Variants in TPST1 observed in about 807,000 individuals in gnomAD.
TPST1 encodes tyrosylprotein sulfotransferase 1, also known as protein-tyrosine sulfotransferase 1.
Under a neutral mutation model 34.8 loss-of-function variants are expected in TPST1, and 20 were observed. The ratio of observed to expected loss-of-function variants is 0.57; its 90% CI spans 0.40 to 0.84. The LOEUF is 0.84. TPST1 is among the 40% of genes least tolerant of loss of function. The pLI is 0.00. For synonymous variants in TPST1, 152 were observed against 159.4 expected (o/e 0.95, Z 0.35); for missense variants, 353 against 455.5 (o/e 0.78, Z 2.05).
chr7:66,247,913 C>T (rs983659750), intron 2 of TPST1, among the ~76,000 whole-genome samples: 22 of 152,246 alleles, frequency 1.4e-4, no homozygotes, highest in African/African-American at 5.3e-4. Context: ...GGACCCTACC[C>T]TCTTGACCAT....
At chr7:66,204,309 G>A (rs61015518), upstream of TPST1, among the ~76,000 whole-genome samples, 2,318 of 152,284 alleles carry the variant, frequency 0.015, 46 homozygotes, top group African/African-American at 0.05. Flanking sequence ...TTACCTTCCC[G>A]GGTTCAAGCA....
chr7:66,328,884 C>CTA (rs1562847162), intron 3 of TPST1, among the ~76,000 whole-genome samples: 67 of 29,408 alleles, frequency 2.3e-3, no homozygotes, highest in African/African-American at 6.9e-3. Context: ...CTCTCTCTCT[C>CTA]TCTATATATA....
At chr7:66,286,111 G>C (rs1022499221) in intron 2 of TPST1, among the ~76,000 whole-genome samples, 1 of 152,074 alleles carries the variant, frequency 6.6e-6, no homozygotes, top group Non-Finnish European at 1.5e-5. Flanking sequence ...CCATCTCTCT[G>C]ACCATCTATT....
chr7:66,260,913 A>G (rs1487853129), intron 2 of TPST1, among the ~76,000 whole-genome samples: 1 of 152,178 alleles, frequency 6.6e-6, no homozygotes, highest in Non-Finnish European at 1.5e-5. Flanking sequence ...TCCTTGTTCT[A>G]TGTGAGTTCT....
At chr7:66,308,725 A>G (rs1791471903) in intron 3 of TPST1, among the ~76,000 whole-genome samples, 1 of 152,184 alleles carries the variant, frequency 6.6e-6, no homozygotes, top group African/African-American at 2.4e-5. Flanking sequence ...CCTGCAGCGA[A>G]CAAGCACTAA....
At chr7:66,213,976 C>A (rs1378215426) in intron 1 of TPST1, among the ~76,000 whole-genome samples, 1 of 152,124 alleles carries the variant, frequency 6.6e-6, no homozygotes, top group Non-Finnish European at 1.5e-5. Flanking sequence ...TGAGAAGGAG[C>A]ATGTAGCTCC....
rs186901669 is a variant in TPST1, at chr7:66,276,000, T to A, written c.846-10511T>A. ...TTTCATCAGTTTAAAAAACTTAATT[T>A]AAAAAAAAAAAGTTTTGATGTTGAA... On this transcript the variant is annotated intron_variant, in intron 2 of 5. Transcript: ENST00000304842. Among the ~76,000 whole-genome samples the A allele has an allele frequency of 2.0e-3, 291 of 147,202 alleles. 1 individual carries two copies. The highest frequency in any genetic ancestry group is 6.7e-3 in the African/African-American group (271 of 40,242).
chr7:66,319,019 A>G (rs1267870380), intron 3 of TPST1, among the ~76,000 whole-genome samples: 1 of 151,966 alleles, frequency 6.6e-6, no homozygotes, highest in Non-Finnish European at 1.5e-5. Flanking sequence ...TCTTTATATA[A>G]CTGTATTTTC....
chr7:66,265,873 G>A (rs1499613), intron 2 of TPST1, among the ~76,000 whole-genome samples: 136,539 of 152,282 alleles, frequency 0.9, 61,390 homozygotes, highest in African/African-American at 0.94. Flanking sequence ...AAAAAGCCCA[G>A]CAAAAACTAC....
At chr7:66,223,864 G>C (rs1789595849) in intron 1 of TPST1, among the ~76,000 whole-genome samples, 1 of 152,178 alleles carries the variant, frequency 6.6e-6, no homozygotes, top group Non-Finnish European at 1.5e-5. Context: ...AGATATTTCT[G>C]AAGCAAAGCC....
Position 66,240,502 on chromosome 7 carries a change from A to G in TPST1, c.77A>G (p.Gln26Arg). Residue 26 changes from glutamine to arginine, a missense_variant, in exon 2 of 6, where the codon CAG (glutamine) becomes CGG (arginine). Transcript: ENST00000304842. ...TCTGTGACTGTGTTTTACCTGGGCC[A>G]GCATGCCATGGAATGCCATCACCGG... Reference protein sequence around the residue: ...ISSVTVFYLGQHAMECHHRIE... With the variant: ...ISSVTVFYLGRHAMECHHRIE... 3 of 1,614,232 alleles carry G rather than the reference A, an allele frequency of 1.9e-6. No individual in the cohort carries two copies. Among genetic ancestry groups the G allele is most frequent in the Non-Finnish European group, 2.5e-6 (3 of 1,180,052 alleles).
chr7:66,253,015 A>G (rs373643206), intron 2 of TPST1, among the ~76,000 whole-genome samples: 4 of 152,304 alleles, frequency 2.6e-5, no homozygotes, highest in East Asian at 1.9e-4. Flanking sequence ...CATAGATTCA[A>G]CTAACCTCAG....
At chr7:66,269,747 C>A (rs925847709) in intron 2 of TPST1, among the ~76,000 whole-genome samples, 1 of 152,020 alleles carries the variant, frequency 6.6e-6, no homozygotes, top group Non-Finnish European at 1.5e-5. Flanking sequence ...TGGTAATAAG[C>A]GCTTTGAAAT....
chr7:66,231,796 C>T lies in TPST1; in HGVS notation c.-101-8529C>T, dbSNP rs550244584. ...CCAGAAAGGGGCTCCCACAGTGCAG[C>T]GGTGGGCTGAAGGGCTCCTCAGGTG... On this transcript the variant is annotated intron_variant, in intron 1 of 5. Transcript: ENST00000304842. 1.2e-4 allele frequency among the ~76,000 whole-genome samples: 18 copies of T among 152,350 alleles called. No homozygotes were observed. In the East Asian group the frequency reaches 1.9e-3, roughly 16 times the overall value.
chr7:66,299,125 C>CAAAAAA (rs34928553), intron 3 of TPST1, among the ~76,000 whole-genome samples: 1 of 137,424 alleles, frequency 7.3e-6, no homozygotes. Flanking sequence ...GACACCGTCT[C>CAAAAAA]AAAAAAAAAA....
chr7:66,219,145 G>A (rs10272149), intron 1 of TPST1, among the ~76,000 whole-genome samples: 96,805 of 149,666 alleles, frequency 0.65, 31,614 homozygotes, highest in African/African-American at 0.74. Flanking sequence ...TGATCCACCC[G>A]CTTCAGCCTC....
intron 1 of TPST1, among the ~76,000 whole-genome samples, chr7:66,228,320 C>A (rs1396220452): frequency 6.6e-6 from 1 of 152,132 alleles, no homozygotes; most frequent in Non-Finnish European, 1.5e-5. Flanking sequence ...ATTTTATTTT[C>A]TTGCTCTCTT....
At chr7:66,353,990 A>G (rs1792532643) in intron 4 of TPST1, among the ~76,000 whole-genome samples, 1 of 152,214 alleles carries the variant, frequency 6.6e-6, no homozygotes, top group Non-Finnish European at 1.5e-5. Flanking sequence ...GAGTGTTTCA[A>G]AGTACTTTCA....
In TPST1 at chr7:66,286,808, G is replaced by GAA. The variant is rs1584209387; in HGVS notation, c.1044+103_1044+104dup. ...TTTATTTCTTGCTATTTAATGATCA[G>GAA]AAAAATATATTTTTTTTTTTTTTCA... On this transcript the variant is annotated intron_variant, in intron 3 of 5. Transcript: ENST00000304842. 11 of 472,190 alleles carry GAA rather than the reference G, an allele frequency of 2.3e-5. No homozygotes were observed. The Admixed American group carries it at 6.6e-4, about 28-fold the overall frequency. The allele number at this position is 472,190 out of a possible 1,614,324, so 29.3% of individuals were successfully genotyped here.
Sources: gnomAD v4.1 joint callset for allele counts (sites outside exome capture counted in the v4.1 genomes callset) on GRCh38, gnomAD v4.1.1 for gene constraint, MANE v1.5 for transcripts, NCBI Gene and HGNC (gene_info 2026-07-23, HGNC 2026-07-21) for gene names.